Variants in DTNBP1 observed in about 807,000 individuals in gnomAD.
The protein encoded by DTNBP1 is dystrobrevin binding protein 1.
DTNBP1 carries 35 observed loss-of-function variants against 42.8 expected under a neutral mutation model. The observed-to-expected ratio is 0.82, with a 90% CI of 0.63 to 1.09. The LOEUF is 1.09. Ranked by LOEUF, DTNBP1 falls within the 50% of genes least tolerant of loss-of-function variation. The pLI is 0.00. For missense variants in DTNBP1, 457 were observed against 424.2 expected, an observed-to-expected ratio of 1.08 and a Z score of -0.68; for synonymous variants, 171 against 162.2, an observed-to-expected ratio of 1.05 and a Z score of -0.41.
At chr6:15,608,592 A>T (rs540856797) in intron 6 of DTNBP1, among the ~76,000 whole-genome samples, 7 of 152,324 alleles carry the variant, frequency 4.6e-5, no homozygotes, top group African/African-American at 1.7e-4. Context: ...TGCTCTGTGC[A>T]GGCTCTTCCT....
chr6:15,617,616 C>T (rs1758788450), intron 5 of DTNBP1, among the ~76,000 whole-genome samples: 2 of 152,194 alleles, frequency 1.3e-5, no homozygotes, highest in African/African-American at 4.8e-5. Flanking sequence ...CGAGAACATT[C>T]ATTGGGAAAT....
At chr6:15,594,600 C>T (rs542948069) in intron 6 of DTNBP1, among the ~76,000 whole-genome samples, 112 of 152,144 alleles carry the variant, frequency 7.4e-4, no homozygotes, top group Non-Finnish European at 1.2e-3. Flanking sequence ...CTGCTTTATA[C>T]CCCGATAATA....
intron 3 of DTNBP1, among the ~76,000 whole-genome samples, chr6:15,648,807 C>T (rs1003572168): frequency 2.0e-5 from 3 of 151,986 alleles, no homozygotes; most frequent in Non-Finnish European, 4.4e-5. Context: ...CTGTAATAAG[C>T]AAAATGACCA....
At chr6:15,526,038 G>A (rs1220350898) in intron 8 of DTNBP1, among the ~76,000 whole-genome samples, 1 of 152,174 alleles carries the variant, frequency 6.6e-6, no homozygotes, top group South Asian at 2.1e-4. Context: ...GAAATAATTA[G>A]GATGACAGGC....
intron 1 of DTNBP1, among the ~76,000 whole-genome samples, chr6:15,659,221 A>C (rs942674908): frequency 6.6e-6 from 1 of 152,250 alleles, no homozygotes; most frequent in Non-Finnish European, 1.5e-5. Flanking sequence ...GAAAAAAAGT[A>C]AATTTATCTA....
At chr6:15,611,503 T>C (rs1758400009) in intron 6 of DTNBP1, among the ~76,000 whole-genome samples, 1 of 152,198 alleles carries the variant, frequency 6.6e-6, no homozygotes, top group African/African-American at 2.4e-5. Flanking sequence ...AGTCTTATTA[T>C]TTAAGAAATA....
In DTNBP1 at chr6:15,536,538, C is replaced by T. The variant is rs146103304; in HGVS notation, c.512-3143G>A. ...ACATGCTGTTAGGCCTGCGGGTGCA[C>T]GGAAGTCAAGAATTGAGGTTTGGAA... On this transcript the variant is annotated intron_variant, in intron 7 of 9. Coordinates refer to ENST00000344537, the MANE Select transcript of DTNBP1 (RefSeq NM_032122.5). Among the ~76,000 whole-genome samples the T allele has an allele frequency of 2.1e-3, 321 of 152,308 alleles. 2 individuals carry two copies. The highest frequency in any genetic ancestry group is 3.5e-3 in the Non-Finnish European group (238 of 68,022).
At chr6:15,568,403 CTTATA>C (rs935540911) in intron 7 of DTNBP1, among the ~76,000 whole-genome samples, 2 of 152,174 alleles carry the variant, frequency 1.3e-5, no homozygotes, top group African/African-American at 4.8e-5. Flanking sequence ...TCATGTAAAA[CTTATA>C]TTAAATAAAT....
chr6:15,652,216 C>G (rs1761041077), intron 1 of DTNBP1, 76 bp from the exon 2 acceptor site: 2 of 1,251,744 alleles, frequency 1.6e-6, no homozygotes, highest in Non-Finnish European at 2.3e-6. Flanking sequence ...GGGTCTCACT[C>G]TGTCGTCCAG....
chr6:15,599,539 T>C (rs900407440), intron 6 of DTNBP1, among the ~76,000 whole-genome samples: 3 of 152,158 alleles, frequency 2.0e-5, no homozygotes, highest in African/African-American at 7.2e-5. Context: ...GAGTCAGATA[T>C]GTGAAACTCA....
intron 5 of DTNBP1, among the ~76,000 whole-genome samples, chr6:15,623,960 C>T (rs1425239839): frequency 6.6e-6 from 1 of 152,160 alleles, no homozygotes; most frequent in African/African-American, 2.4e-5. Context: ...CCATCCAAAC[C>T]CTCGTGTCAC....
In DTNBP1 at chr6:15,523,872, C is replaced by T. The variant is rs932150866; in HGVS notation, c.812-653G>A. The T allele has an allele frequency of 4.4e-5, 56 of 1,287,044 alleles. No individual in the cohort carries two copies. The African/African-American group carries it at 5.2e-4, about 12-fold the overall frequency. The allele number at this position is 1,287,044 out of a possible 1,614,324, so 79.7% of individuals were successfully genotyped here. On this transcript the variant is annotated intron_variant, in intron 9 of 9. Coordinates refer to ENST00000344537, the MANE Select transcript of DTNBP1 (RefSeq NM_032122.5). Reference sequence around the variant, plus strand: ...TGAGAAGTTTAGAGGAAGCTGAAACCGTGGTAATGGTAGAACCTTCTACAG... The same window carrying T: ...TGAGAAGTTTAGAGGAAGCTGAAACTGTGGTAATGGTAGAACCTTCTACAG...
chr6:15,621,028 T>C (rs1032857959), intron 5 of DTNBP1, among the ~76,000 whole-genome samples: 1 of 152,240 alleles, frequency 6.6e-6, no homozygotes, highest in Non-Finnish European at 1.5e-5. Flanking sequence ...TGAAAACTAA[T>C]AATTTCATTG....
chr6:15,611,078 G>C (rs559044427), intron 6 of DTNBP1, among the ~76,000 whole-genome samples: 2 of 152,306 alleles, frequency 1.3e-5, no homozygotes, highest in South Asian at 4.1e-4. Flanking sequence ...GTCCATGCCT[G>C]GCTTCAAACC....
intron 7 of DTNBP1, among the ~76,000 whole-genome samples, chr6:15,542,661 C>T (rs1773642303): frequency 1.3e-5 from 2 of 151,976 alleles, no homozygotes; most frequent in South Asian, 2.1e-4. Flanking sequence ...TGAGCCATCG[C>T]ACCTGGCCAA....
intron 5 of DTNBP1, among the ~76,000 whole-genome samples, chr6:15,619,057 G>A (rs367803487): frequency 6.6e-6 from 1 of 152,184 alleles, no homozygotes; most frequent in Non-Finnish European, 1.5e-5. Context: ...GTAGAACAGT[G>A]TTTACTAGAG....
intron 7 of DTNBP1, among the ~76,000 whole-genome samples, chr6:15,562,692 G>C (rs1161858128): frequency 6.6e-6 from 1 of 152,176 alleles, no homozygotes; most frequent in African/African-American, 2.4e-5. Context: ...AGAAGCCATA[G>C]AAACTAGCAT....
chr6:15,650,816 T>A (rs1760949566), intron 3 of DTNBP1, among the ~76,000 whole-genome samples: 1 of 152,238 alleles, frequency 6.6e-6, no homozygotes, highest in Admixed American at 6.5e-5. Context: ...CTATGTTTTG[T>A]CACTCCACTA....
At chr6:15,539,542 G>C (rs185302788) in intron 7 of DTNBP1, among the ~76,000 whole-genome samples, 4 of 152,334 alleles carry the variant, frequency 2.6e-5, no homozygotes, top group Admixed American at 2.6e-4. Context: ...TTTCTGGTCA[G>C]AGTATTCTCT....
Sources: allele counts gnomAD v4.1 joint callset (sites outside exome capture counted in the v4.1 genomes callset), GRCh38; gene constraint gnomAD v4.1.1; transcripts MANE v1.5; gene names NCBI Gene and HGNC (gene_info 2026-07-23, HGNC 2026-07-21).